THADA: variants seen among roughly 807,000 people sequenced by gnomAD.
THADA encodes THADA armadillo repeat containing, also known as tRNA (32-2'-O)-methyltransferase regulator THADA.
THADA carries 213 observed loss-of-function variants against 219.8 expected under a neutral mutation model. That is an observed-to-expected ratio of 0.97 (90% CI 0.87 to 1.09). THADA has a LOEUF of 1.09. THADA is among the 50% of genes least tolerant of loss of function. THADA has a pLI of 0.00. For missense variants in THADA, 2,956 were observed against 2,311.3 expected, an observed-to-expected ratio of 1.28 and a Z score of -5.72; for synonymous variants, 1,018 against 828.9, an observed-to-expected ratio of 1.23 and a Z score of -3.92.
At chr2:43,250,077 T>C (rs1293827166) in intron 36 of THADA, among the ~76,000 whole-genome samples, 1 of 152,148 alleles carries the variant, frequency 6.6e-6, no homozygotes, top group Non-Finnish European at 1.5e-5. Flanking sequence ...CTGAAAGCAG[T>C]ACCCAAATAA....
At chr2:43,408,535 G>A (rs1675880232) in intron 28 of THADA, 1 of 152,174 alleles carries the variant, frequency 6.6e-6, no homozygotes, top group African/African-American at 2.4e-5. Flanking sequence ...CTTTTTTGGT[G>A]AAGTGAAACC....
At chr2:43,438,154 T>C (rs1175498149) in intron 26 of THADA, among the ~76,000 whole-genome samples, 1 of 151,796 alleles carries the variant, frequency 6.6e-6, no homozygotes, top group Admixed American at 6.6e-5. Flanking sequence ...TAAAAAAAAT[T>C]AGCCGGGCAA....
At chr2:43,560,485 A>G (rs1397578335) in intron 15 of THADA, 100 bp from the exon 16 acceptor site, 1 of 827,840 alleles carries the variant, frequency 1.2e-6, no homozygotes, top group Non-Finnish European at 1.8e-6. Context: ...GTACCAAAAA[A>G]CCACACTTCA....
At chr2:43,373,116 A>G (rs1408404601) in intron 29 of THADA, among the ~76,000 whole-genome samples, 1 of 152,242 alleles carries the variant, frequency 6.6e-6, no homozygotes, top group African/African-American at 2.4e-5. Flanking sequence ...CACCCTTTGA[A>G]TTACTCAAAA....
intron 28 of THADA, among the ~76,000 whole-genome samples, chr2:43,406,558 T>C (rs1011044748): frequency 6.6e-6 from 1 of 152,206 alleles, no homozygotes; most frequent in African/African-American, 2.4e-5. Context: ...GGCACTGAAA[T>C]GTGCTATACC....
At chr2:43,302,110 C>T (rs1676333809) in intron 31 of THADA, among the ~76,000 whole-genome samples, 1 of 152,104 alleles carries the variant, frequency 6.6e-6, no homozygotes. Context: ...TCAAGTGATC[C>T]TCCCACATCT....
In THADA at chr2:43,319,815, T is replaced by C. The variant is rs145406031; in HGVS notation, c.4438+631A>G. On this transcript the variant is annotated intron_variant, in intron 31 of 37. Coordinates refer to ENST00000405975, the MANE Select transcript of THADA (RefSeq NM_022065.5). ...ATCAGTTTCAGTCCGTGGCCTGGAATTCATGTACAGCACTTCCTGTAGCCT... is the reference window on the plus strand; with the variant it reads ...ATCAGTTTCAGTCCGTGGCCTGGAACTCATGTACAGCACTTCCTGTAGCCT... Among the ~76,000 whole-genome samples, 36 of 152,332 alleles carry C rather than the reference T, an allele frequency of 2.4e-4. No homozygotes were observed. The East Asian group carries it at 6.6e-3, about 28-fold the overall frequency.
chr2:43,560,687 C>T (rs1359101278), intron 15 of THADA, among the ~76,000 whole-genome samples: 2 of 152,058 alleles, frequency 1.3e-5, no homozygotes, highest in Non-Finnish European at 2.9e-5. Flanking sequence ...AGAAACACAT[C>T]TTTTTAAAAA....
At chr2:43,513,344 C>G (rs1690737437) in intron 22 of THADA, among the ~76,000 whole-genome samples, 1 of 152,180 alleles carries the variant, frequency 6.6e-6, no homozygotes, top group African/African-American at 2.4e-5. Context: ...CCAAAACCAG[C>G]TGAGTCCAAA....
intron 26 of THADA, among the ~76,000 whole-genome samples, chr2:43,464,352 A>C (rs907140715): frequency 6.6e-6 from 1 of 152,234 alleles, no homozygotes; most frequent in African/African-American, 2.4e-5. Context: ...AAGTAGAAGG[A>C]AAAACAAGTT....
intron 36 of THADA, among the ~76,000 whole-genome samples, chr2:43,254,062 G>A (rs1327408228): frequency 1.3e-5 from 2 of 151,950 alleles, no homozygotes; most frequent in Non-Finnish European, 2.9e-5. Flanking sequence ...ACCCGCTCCA[G>A]ACAGGTTCCA....
intron 20 of THADA, among the ~76,000 whole-genome samples, chr2:43,547,755 T>C (rs1176005875): frequency 6.6e-6 from 1 of 152,186 alleles, no homozygotes; most frequent in African/African-American, 2.4e-5. Flanking sequence ...GTTATTCTAG[T>C]TATACATTTG....
intron 26 of THADA, among the ~76,000 whole-genome samples, chr2:43,443,594 T>C (rs920272645): frequency 6.6e-6 from 1 of 152,010 alleles, no homozygotes; most frequent in Non-Finnish European, 1.5e-5. Context: ...ATAAAAGTGA[T>C]AGCCAAAAAG....
At chr2:43,358,077 G>A (rs1669077102) in intron 29 of THADA, among the ~76,000 whole-genome samples, 1 of 152,062 alleles carries the variant, frequency 6.6e-6, no homozygotes, top group African/African-American at 2.4e-5. Context: ...ACCTGATTCA[G>A]CTGTCACCAT....
At chr2:43,451,050 T>A (rs535391501) in intron 26 of THADA, among the ~76,000 whole-genome samples, 2 of 152,186 alleles carry the variant, frequency 1.3e-5, no homozygotes, top group African/African-American at 4.8e-5. Flanking sequence ...AATATAAATA[T>A]AGTTAATATC....
intron 26 of THADA, among the ~76,000 whole-genome samples, chr2:43,435,977 G>A (rs897616423): frequency 2.6e-5 from 4 of 151,996 alleles, no homozygotes; most frequent in Non-Finnish European, 5.9e-5. Flanking sequence ...AGAGCCCTAG[G>A]AAATTCTAAC....
rs548266644 is a variant in THADA, at chr2:43,398,048, G to A, written c.4150C>T (p.Arg1384Ter). 26 of 1,613,848 alleles carry A rather than the reference G, an allele frequency of 1.6e-5. No individual in the cohort carries two copies. The highest frequency in any genetic ancestry group is 1.6e-4 in the Middle Eastern group (1 of 6,084). Residue 1384 changes from arginine to a stop codon, truncating the protein, a stop_gained, in exon 29 of 38, where the codon CGA (arginine) becomes TGA (stop). Transcript: ENST00000405975. LOFTEE classifies it high-confidence loss of function. ...VMIDHIPNTI[R>*]TLLSTLPSCT... Reference sequence around the variant, plus strand: ...CTGGGGAGTGTGGACAACAGAGTTCGAATGGTATTAGGAATGTGATCTATC... The same window carrying A: ...CTGGGGAGTGTGGACAACAGAGTTCAAATGGTATTAGGAATGTGATCTATC...
At chr2:43,402,786 T>C (rs1167796679) in intron 28 of THADA, among the ~76,000 whole-genome samples, 2 of 152,200 alleles carry the variant, frequency 1.3e-5, no homozygotes, top group African/African-American at 4.8e-5. Context: ...AAGCTGCTGC[T>C]GCTGTGTAAG....
At chr2:43,444,755 C>G (rs1225235693) in intron 26 of THADA, among the ~76,000 whole-genome samples, 1 of 151,810 alleles carries the variant, frequency 6.6e-6, no homozygotes, top group African/African-American at 2.4e-5. Flanking sequence ...CCACACACAC[C>G]CATTTCTTAT....
Sources: gnomAD v4.1 joint callset for allele counts (sites outside exome capture counted in the v4.1 genomes callset) on GRCh38, gnomAD v4.1.1 for gene constraint, MANE v1.5 for transcripts, NCBI Gene and HGNC (gene_info 2026-07-23, HGNC 2026-07-21) for gene names.